The following NAALADL2 variants were observed in gnomAD, a reference collection of about 807,000 sequenced individuals.
The protein encoded by NAALADL2 is N-acetylated alpha-linked acidic dipeptidase like 2.
Under a neutral mutation model 87.2 loss-of-function variants are expected in NAALADL2, and 76 were observed. That is an observed-to-expected ratio of 0.87 (90% CI 0.72 to 1.05). The LOEUF (loss-of-function observed/expected upper bound fraction) is 1.05. NAALADL2 is among the 50% of genes least tolerant of loss of function. NAALADL2 has a pLI of 0.00. For synonymous variants in NAALADL2, 354 were observed against 331.0 expected (o/e 1.07, Z -0.75); for missense variants, 1,089 against 945.8 (o/e 1.15, Z -1.99).
chr3:175,469,694 G>T (rs550698187), intron 8 of NAALADL2, among the ~76,000 whole-genome samples: 1 of 151,994 alleles, frequency 6.6e-6, no homozygotes, highest in Non-Finnish European at 1.5e-5. Flanking sequence ...TGGAGTAAAA[G>T]AAGTCATAGT....
At chr3:175,696,482 C>T (rs1489444142) in intron 11 of NAALADL2, among the ~76,000 whole-genome samples, 1 of 151,918 alleles carries the variant, frequency 6.6e-6, no homozygotes, top group African/African-American at 2.4e-5. Context: ...ATTGACACTC[C>T]ACATAGAGGA....
At chr3:175,306,728 C>G (rs993314558) in intron 4 of NAALADL2, among the ~76,000 whole-genome samples, 2 of 152,106 alleles carry the variant, frequency 1.3e-5, no homozygotes, top group Non-Finnish European at 2.9e-5. Flanking sequence ...TGCCTGTAGT[C>G]CTAGCTACTA....
chr3:175,789,166 C>T (rs1752479354), intron 13 of NAALADL2, among the ~76,000 whole-genome samples: 1 of 152,090 alleles, frequency 6.6e-6, no homozygotes, highest in Non-Finnish European at 1.5e-5. Flanking sequence ...ACTGAGATTG[C>T]TTTTGTAATT....
chr3:174,882,508 T>G (rs1560317933), intron 1 of NAALADL2, among the ~76,000 whole-genome samples: 1 of 144,520 alleles, frequency 6.9e-6, no homozygotes, highest in Non-Finnish European at 1.5e-5. Context: ...TATATGTGTA[T>G]ATACATATGT....
chr3:175,264,704 ATAAT>A (rs1391740611), intron 4 of NAALADL2, among the ~76,000 whole-genome samples: 1 of 151,758 alleles, frequency 6.6e-6, no homozygotes, highest in Non-Finnish European at 1.5e-5. Context: ...AGAAATATAA[ATAAT>A]GTCATAAGAT....
intron 6 of NAALADL2, among the ~76,000 whole-genome samples, chr3:175,455,418 T>A (rs1722182027): frequency 6.6e-6 from 1 of 152,060 alleles, no homozygotes; most frequent in Admixed American, 6.6e-5. Flanking sequence ...TTTGTGGAAG[T>A]GTTTGGTAGA....
chr3:175,748,018 T>C (rs896702180), intron 12 of NAALADL2, among the ~76,000 whole-genome samples: 2 of 152,084 alleles, frequency 1.3e-5, no homozygotes, highest in African/African-American at 4.8e-5. Flanking sequence ...CTTTTTTTTT[T>C]AAAGTAACCA....
chr3:175,074,458 C>G (rs1346162659), intron 1 of NAALADL2, among the ~76,000 whole-genome samples: 2 of 151,840 alleles, frequency 1.3e-5, no homozygotes, highest in African/African-American at 4.8e-5. Context: ...TGTATTTCCT[C>G]CTTTTATTCA....
chr3:175,037,439 G>A (rs1301696604), intron 1 of NAALADL2, among the ~76,000 whole-genome samples: 3 of 152,112 alleles, frequency 2.0e-5, no homozygotes, highest in Admixed American at 2.0e-4. Context: ...GAGATAAATG[G>A]CTTTGTAGCA....
intron 2 of NAALADL2, chr3:174,631,790 T>C (rs1277485365): frequency 2.0e-5 from 3 of 152,208 alleles, no homozygotes; most frequent in Non-Finnish European, 4.4e-5. Context: ...CATTTTCTTG[T>C]CTCAGCAAAT....
At chr3:174,961,681 G>T (rs1742021949) in intron 1 of NAALADL2, among the ~76,000 whole-genome samples, 1 of 152,160 alleles carries the variant, frequency 6.6e-6, no homozygotes, top group East Asian at 1.9e-4. Flanking sequence ...TTATAGTCTT[G>T]TGTATTATTA....
Position 175,513,651 on chromosome 3 carries a change from ATTTG to A in NAALADL2, c.1653+41896_1653+41899del, listed in dbSNP as rs1023162192. Among the ~76,000 whole-genome samples the A allele has an allele frequency of 1.2e-4, 19 of 152,324 alleles. No homozygotes were observed. In the East Asian group the frequency reaches 2.1e-3, roughly 17 times the overall value. ...AAAGACTGTACATAAAAGATCTTTT[ATTTG>A]TTCTGTCCTTTCTAAAATGGGAAAT... On this transcript the variant is annotated intron_variant, in intron 9 of 13. Transcript: ENST00000454872.
rs1221963504 is a variant in NAALADL2 at position 174,441,231 on chromosome 3, G to A, written c.-184+199G>A. 2.0e-5 allele frequency among the ~76,000 whole-genome samples: 3 copies of A among 152,040 alleles called. No homozygotes were observed. In the East Asian group the frequency reaches 5.9e-4, roughly 30 times the overall value. ...AAGTACGGGGGCCGAGGGGCGCCCGGCCGGCGGCGGGTTCTGAGCGACTCC... is the reference window on the plus strand; with the variant it reads ...AAGTACGGGGGCCGAGGGGCGCCCGACCGGCGGCGGGTTCTGAGCGACTCC... On this transcript the variant is annotated intron_variant, in intron 1 of 3. Transcript: ENST00000434257.
At chr3:175,339,745 T>C (rs1203632886) in intron 5 of NAALADL2, among the ~76,000 whole-genome samples, 1 of 152,172 alleles carries the variant, frequency 6.6e-6, no homozygotes, top group African/African-American at 2.4e-5. Context: ...CTAGACAAAA[T>C]ATCTTTTGAT....
intron 11 of NAALADL2, among the ~76,000 whole-genome samples, chr3:175,650,292 G>C (rs896163692): frequency 4.6e-5 from 7 of 152,138 alleles, no homozygotes; most frequent in Admixed American, 4.6e-4. Context: ...AGAAAGCAGA[G>C]GTTGTCCAAG....
At position 174,863,912 on chromosome 3, in the gene NAALADL2, G is replaced by C. The variant is rs547202986; in HGVS notation, c.43+4462G>C. On this transcript the variant is annotated intron_variant, in intron 1 of 13. Coordinates refer to ENST00000454872, the MANE Select transcript of NAALADL2 (RefSeq NM_207015.3). ...AGGCTTTCACTAGCCCTTCATGATA[G>C]GTTCAAACACTTGAAGACCTGAGGA... is the stretch of plus-strand genomic sequence containing the variant. 1.7e-4 allele frequency: 65 copies of C among 376,772 alleles called. No individual in the cohort carries two copies. The East Asian group carries it at 4.9e-3, about 29-fold the overall frequency. 23.3% of individuals were successfully genotyped at this position (376,772 alleles called of 1,614,324 possible).
At chr3:175,236,924 T>C (rs546809132) in intron 3 of NAALADL2, among the ~76,000 whole-genome samples, 4 of 152,332 alleles carry the variant, frequency 2.6e-5, no homozygotes, top group African/African-American at 9.6e-5. Context: ...TTTTCTTTAT[T>C]CTTTCACACT....
chr3:175,424,912 G>T (rs1478658313), intron 5 of NAALADL2, among the ~76,000 whole-genome samples: 1 of 152,088 alleles, frequency 6.6e-6, no homozygotes, highest in Non-Finnish European at 1.5e-5. Context: ...GACACCTGAG[G>T]TAAATAATTC....
chr3:175,426,474 T>C (rs1716803855), intron 5 of NAALADL2, among the ~76,000 whole-genome samples: 1 of 152,210 alleles, frequency 6.6e-6, no homozygotes, highest in Admixed American at 6.6e-5. Flanking sequence ...TCTCATGTCC[T>C]TTCTATTTCT....
Sources: allele counts gnomAD v4.1 joint callset (sites outside exome capture counted in the v4.1 genomes callset), GRCh38; gene constraint gnomAD v4.1.1; transcripts MANE v1.5; gene names NCBI Gene and HGNC (gene_info 2026-07-23, HGNC 2026-07-21).